The following PABPC4L variants were observed in gnomAD, a reference collection of about 807,000 sequenced individuals.
PABPC4L encodes polyadenylate-binding protein 4-like.
For synonymous variants in PABPC4L, 169 were observed against 164.1 expected, an observed-to-expected ratio of 1.03 and a Z score of -0.23; for missense variants, 452 against 451.4, an observed-to-expected ratio of 1.00 and a Z score of -0.01.
chr4:134,162,696 A>C, the PABPC4L span, among the ~76,000 whole-genome samples: 1 of 152,140 alleles, frequency 6.6e-6, no homozygotes, highest in African/African-American at 2.4e-5. Flanking sequence ...ACTAGAAGTC[A>C]ACTCCAAAAG....
At chr4:133,966,088 T>A in the PABPC4L span, among the ~76,000 whole-genome samples, 49 of 152,048 alleles carry the variant, frequency 3.2e-4, no homozygotes, top group African/African-American at 5.8e-4. Flanking sequence ...GGTCTAATAT[T>A]CAGAATCTAC....
At chr4:134,147,816 A>C in the PABPC4L span, among the ~76,000 whole-genome samples, 1 of 151,548 alleles carries the variant, frequency 6.6e-6, no homozygotes, top group Non-Finnish European at 1.5e-5. Context: ...AATGCAATTA[A>C]TTGGTTTGAA....
the PABPC4L span, among the ~76,000 whole-genome samples, chr4:134,031,019 G>A: frequency 6.6e-6 from 1 of 152,130 alleles, no homozygotes; most frequent in African/African-American, 2.4e-5. Flanking sequence ...GCAGACATAT[G>A]TAAATGTACT....
chr4:134,199,992 T>A lies in PABPC4L; in HGVS notation c.1028A>T (p.Glu343Val). Residue 343 changes from glutamate (E) to valine (V), a missense_variant, in exon 2 of 2, where the codon GAG (glutamate) becomes GTG (valine). Transcript: ENST00000421491. ...GFGLICFSSP[E>V]DATKAMTEMN... ...CTCAGTCATTGCTTTAGTAGCATCC[T>A]CAGGAGAGGAGAAGCAGATCAAGCC... The A allele has an allele frequency of 6.4e-7, 1 of 1,551,680 alleles. No homozygotes were observed. The highest frequency in any genetic ancestry group is 8.7e-7 in the Non-Finnish European group (1 of 1,146,962).
chr4:134,136,779 A>T, the PABPC4L span, among the ~76,000 whole-genome samples: 26 of 152,114 alleles, frequency 1.7e-4, no homozygotes, highest in East Asian at 4.8e-3. Context: ...TTAGTGGCTT[A>T]TCTTCTCTTT....
At chr4:134,124,022 A>G in the PABPC4L span, among the ~76,000 whole-genome samples, 1 of 152,184 alleles carries the variant, frequency 6.6e-6, no homozygotes, top group African/African-American at 2.4e-5. Flanking sequence ...ATTTTTAGAG[A>G]GAGTTCAAAG....
the PABPC4L span, among the ~76,000 whole-genome samples, chr4:134,079,599 A>C: frequency 4.2e-5 from 4 of 95,020 alleles, no homozygotes; most frequent in East Asian, 6.5e-4. Context: ...AAAAAAAAAA[A>C]AAAAAAAAAA....
the PABPC4L span, among the ~76,000 whole-genome samples, chr4:133,969,821 T>A: frequency 2.0e-5 from 3 of 152,052 alleles, no homozygotes; most frequent in Non-Finnish European, 1.5e-5. Context: ...CAAAAACGCT[T>A]ATCTTGACTA....
chr4:134,009,883 G>T, the PABPC4L span, among the ~76,000 whole-genome samples: 1 of 152,008 alleles, frequency 6.6e-6, no homozygotes, highest in South Asian at 2.1e-4. Context: ...ATTGAAAAGG[G>T]TATTTGGGCT....
chr4:134,056,810 A>T, the PABPC4L span, among the ~76,000 whole-genome samples: 2 of 152,018 alleles, frequency 1.3e-5, no homozygotes, highest in African/African-American at 4.8e-5. Flanking sequence ...TCCTATTGGG[A>T]CAATTACATC....
chr4:134,150,086 T>C, the PABPC4L span, among the ~76,000 whole-genome samples: 1 of 110,686 alleles, frequency 9.0e-6, no homozygotes, highest in African/African-American at 4.6e-5. Context: ...TTTTATTATG[T>C]CTTTTTTTTT....
the PABPC4L span, among the ~76,000 whole-genome samples, chr4:134,176,652 C>T: frequency 6.6e-6 from 1 of 151,918 alleles, no homozygotes; most frequent in African/African-American, 2.4e-5. Context: ...TCTGAAAAAC[C>T]ACGTCGGGAT....
At chr4:134,118,863 A>C in the PABPC4L span, among the ~76,000 whole-genome samples, 1 of 151,840 alleles carries the variant, frequency 6.6e-6, no homozygotes, top group East Asian at 1.9e-4. Context: ...TGATTCATCA[A>C]CTTAAACACA....
chr4:133,988,731 CT>C, the PABPC4L span, among the ~76,000 whole-genome samples: 3 of 152,194 alleles, frequency 2.0e-5, no homozygotes, highest in Non-Finnish European at 4.4e-5. Context: ...CTTCTCACAA[CT>C]TCACTATGCA....
the PABPC4L span, among the ~76,000 whole-genome samples, chr4:133,994,725 C>T: frequency 6.6e-6 from 1 of 152,116 alleles, no homozygotes; most frequent in Non-Finnish European, 1.5e-5. Flanking sequence ...TTCCCTTTCC[C>T]GTTTCCTTTC....
the PABPC4L span, among the ~76,000 whole-genome samples, chr4:134,082,557 T>C: frequency 6.6e-6 from 1 of 152,122 alleles, no homozygotes; most frequent in African/African-American, 2.4e-5. Context: ...TTTTTAAAAT[T>C]TTTATAATTG....
the PABPC4L span, among the ~76,000 whole-genome samples, chr4:133,997,561 G>A: frequency 6.6e-6 from 1 of 152,032 alleles, no homozygotes; most frequent in Non-Finnish European, 1.5e-5. Context: ...ATGAATCTTG[G>A]CAAAGTAAAT....
At chr4:134,125,504 G>C in the PABPC4L span, among the ~76,000 whole-genome samples, 17 of 152,166 alleles carry the variant, frequency 1.1e-4, 1 homozygote, top group East Asian at 3.3e-3. Context: ...TGTACATTTT[G>C]CTATAAACTG....
the PABPC4L span, among the ~76,000 whole-genome samples, chr4:134,026,927 C>T: frequency 6.6e-6 from 1 of 152,000 alleles, no homozygotes; most frequent in African/African-American, 2.4e-5. Context: ...AATCTAGGAA[C>T]TGGCTGTCTT....
Sources: gnomAD v4.1 joint callset for allele counts (sites outside exome capture counted in the v4.1 genomes callset) on GRCh38, gnomAD v4.1.1 for gene constraint, MANE v1.5 for transcripts, NCBI Gene and HGNC (gene_info 2026-07-23, HGNC 2026-07-21) for gene names.